Variants in EDIL3 observed in about 807,000 individuals in gnomAD.
EDIL3 encodes EGF like and discoidin domains 3, also known as EGF-like repeat and discoidin I-like domain-containing protein 3.
A neutral mutation model predicts 67.4 loss-of-function variants in EDIL3; 37 were observed. The ratio of observed to expected loss-of-function variants is 0.55; its 90% CI spans 0.42 to 0.72. EDIL3 has a LOEUF of 0.72. EDIL3 is among the 30% of genes least tolerant of loss of function. The probability of loss-of-function intolerance (pLI) is 0.00; values close to 1 mark genes in which losing one functional copy is unlikely to be tolerated. For synonymous variants in EDIL3, 195 were observed against 196.3 expected, an observed-to-expected ratio of 0.99 and a Z score of 0.05; for missense variants, 527 against 586.3, an observed-to-expected ratio of 0.90 and a Z score of 1.04.
At chr5:84,220,299 T>C (rs1744316699) in intron 3 of EDIL3, among the ~76,000 whole-genome samples, 1 of 152,148 alleles carries the variant, frequency 6.6e-6, no homozygotes, top group African/African-American at 2.4e-5. Context: ...GTACAGACAG[T>C]GCACATCCAG....
chr5:84,115,429 T>G (rs1342900313), intron 5 of EDIL3, among the ~76,000 whole-genome samples: 1 of 152,192 alleles, frequency 6.6e-6, no homozygotes, highest in Non-Finnish European at 1.5e-5. Context: ...TAATAAAAAT[T>G]GTCTATTAAT....
chr5:84,055,351 A>C lies in EDIL3; in HGVS notation c.1137+4949T>G, dbSNP rs1470824640. The stretch of plus-strand genomic sequence containing the variant: ...TAAATGTTAGACCTAAAACCATAAA[A>C]ACCCGAGAAGAAAACCTAGGCTATA... On this transcript the variant is annotated intron_variant, in intron 9 of 10. Transcript: ENST00000296591. 1.2e-4 allele frequency among the ~76,000 whole-genome samples: 18 copies of C among 146,726 alleles called. 1 individual carries two copies. The East Asian group carries it at 3.4e-3, about 28-fold the overall frequency.
intron 4 of EDIL3, among the ~76,000 whole-genome samples, chr5:84,147,600 T>C (rs947117518): frequency 6.6e-6 from 1 of 151,856 alleles, no homozygotes; most frequent in African/African-American, 2.4e-5. Flanking sequence ...AAGTGGAGAG[T>C]GGAAAGGCTT....
chr5:84,179,640 CTAT>C (rs888641252), intron 4 of EDIL3, among the ~76,000 whole-genome samples: 9 of 152,190 alleles, frequency 5.9e-5, no homozygotes, highest in Non-Finnish European at 1.3e-4. Context: ...ACTCTTCCTA[CTAT>C]GTGTCATTCC....
At chr5:84,330,165 A>G (rs1265974025) in intron 1 of EDIL3, among the ~76,000 whole-genome samples, 3 of 152,310 alleles carry the variant, frequency 2.0e-5, no homozygotes, top group African/African-American at 4.8e-5. Flanking sequence ...TAAGTAAGAC[A>G]GAGACTAACA....
chr5:84,021,455 T>C lies in EDIL3; in HGVS notation c.1137+38845A>G, dbSNP rs1330317959. The stretch of plus-strand genomic sequence containing the variant: ...TTTGATTTCCATCTTAATTTCTTCA[T>C]TGACCTAATGATTGTTCAGGAGCAT... On this transcript the variant is annotated intron_variant, in intron 9 of 10. Coordinates refer to ENST00000296591, the MANE Select transcript of EDIL3 (RefSeq NM_005711.5). 2.0e-5 allele frequency among the ~76,000 whole-genome samples: 3 copies of C among 152,066 alleles called. No individual in the cohort carries two copies. The East Asian group carries it at 5.8e-4, about 29-fold the overall frequency.
chr5:84,010,036 T>A (rs1308738803), intron 9 of EDIL3, among the ~76,000 whole-genome samples: 3 of 152,236 alleles, frequency 2.0e-5, no homozygotes, highest in African/African-American at 7.2e-5. Flanking sequence ...AGGCAACTTA[T>A]GCAAGTCACA....
intron 10 of EDIL3, 30 bp downstream of exon 10, chr5:83,963,175 G>C: frequency 6.4e-7 from 1 of 1,573,698 alleles, no homozygotes; most frequent in Non-Finnish European, 8.6e-7. Context: ...CTCCACTTCT[G>C]AACTTTATAA....
chr5:84,292,957 G>T (rs960321185), intron 1 of EDIL3, among the ~76,000 whole-genome samples: 3 of 152,150 alleles, frequency 2.0e-5, no homozygotes, highest in Non-Finnish European at 4.4e-5. Flanking sequence ...GTACTATGGG[G>T]TTACAATCTT....
chr5:84,300,507 A>G (rs1162006914), intron 1 of EDIL3, among the ~76,000 whole-genome samples: 1 of 152,194 alleles, frequency 6.6e-6, no homozygotes, highest in Non-Finnish European at 1.5e-5. Context: ...ATCTACTATC[A>G]TGTTGCAATC....
intron 9 of EDIL3, among the ~76,000 whole-genome samples, chr5:83,972,405 C>T (rs1039496541): frequency 3.3e-5 from 5 of 152,018 alleles, no homozygotes; most frequent in African/African-American, 1.2e-4. Context: ...AGACACTGCC[C>T]AGAGACTGCA....
intron 9 of EDIL3, among the ~76,000 whole-genome samples, chr5:84,035,414 A>T (rs1024389486): frequency 3.9e-5 from 6 of 152,138 alleles, no homozygotes; most frequent in African/African-American, 9.7e-5. Flanking sequence ...AAGCAATAAA[A>T]CCAGTTACAG....
At chr5:84,366,425 G>T (rs931095896) in intron 1 of EDIL3, among the ~76,000 whole-genome samples, 6 of 152,120 alleles carry the variant, frequency 3.9e-5, no homozygotes, top group African/African-American at 1.4e-4. Flanking sequence ...ATCCGTTGAA[G>T]CAGAAAATGT....
intron 3 of EDIL3, among the ~76,000 whole-genome samples, chr5:84,216,774 A>G (rs1414413203): frequency 2.0e-5 from 3 of 152,248 alleles, no homozygotes; most frequent in Non-Finnish European, 4.4e-5. Context: ...ATGAAAGTAA[A>G]AATAGCAGCT....
At chr5:84,089,198 C>T (rs1747122526) in intron 6 of EDIL3, among the ~76,000 whole-genome samples, 1 of 152,202 alleles carries the variant, frequency 6.6e-6, no homozygotes, top group Admixed American at 6.5e-5. Context: ...TGGCCAACGG[C>T]TTAGAAGCAG....
intron 6 of EDIL3, among the ~76,000 whole-genome samples, chr5:84,092,976 T>A (rs971690997): frequency 3.3e-5 from 5 of 152,114 alleles, no homozygotes; most frequent in African/African-American, 1.2e-4. Context: ...TCACTAGGAT[T>A]TACAGGAAGT....
rs1284761311 is a variant in EDIL3 at position 84,077,111 on chromosome 5, A to G, written c.652-10505T>C. ...TCTCTTTTTTTACTCATAAGTGTGT[A>G]AAATAGAGATAAATACAATGATGAC... On this transcript the variant is annotated intron_variant, in intron 6 of 10. Coordinates refer to ENST00000296591, the MANE Select transcript of EDIL3 (RefSeq NM_005711.5). Among the ~76,000 whole-genome samples, 4 of 152,370 alleles carry G rather than the reference A, an allele frequency of 2.6e-5. No individual in the cohort carries two copies. In the East Asian group the frequency reaches 7.7e-4, roughly 29 times the overall value.
intron 9 of EDIL3, among the ~76,000 whole-genome samples, chr5:84,004,761 A>T (rs952765683): frequency 6.6e-6 from 1 of 152,136 alleles, no homozygotes; most frequent in Admixed American, 6.6e-5. Context: ...ACAACCTAAC[A>T]TCACATCTAG....
chr5:84,122,472 G>C (rs926779895), intron 5 of EDIL3, among the ~76,000 whole-genome samples: 1 of 151,648 alleles, frequency 6.6e-6, no homozygotes, highest in South Asian at 2.1e-4. Context: ...TTAACTCGTC[G>C]TTTACATTAG....
Sources: allele counts gnomAD v4.1 joint callset (sites outside exome capture counted in the v4.1 genomes callset), GRCh38; gene constraint gnomAD v4.1.1; transcripts MANE v1.5; gene names NCBI Gene and HGNC (gene_info 2026-07-23, HGNC 2026-07-21).